The following COX10 variants were observed in gnomAD, a reference collection of about 807,000 sequenced individuals.
COX10 encodes the protein protoheme IX farnesyltransferase, mitochondrial.
In COX10, 27 loss-of-function variants were observed where a neutral mutation model predicts 37.3. The ratio of observed to expected loss-of-function variants is 0.72; its 90% CI spans 0.53 to 1.00. The LOEUF is 1.00. Among genes scored for constraint, COX10 ranks in the 50% least tolerant of loss-of-function variants. The pLI, the probability that COX10 is intolerant of heterozygous loss-of-function variation, is 0.00. For synonymous variants in COX10, 222 were observed against 229.1 expected, an observed-to-expected ratio of 0.97 and a Z score of 0.28; for missense variants, 475 against 563.2, an observed-to-expected ratio of 0.84 and a Z score of 1.59.
At chr17:14,095,861 A>G (rs1188437980) in intron 3 of COX10, among the ~76,000 whole-genome samples, 1 of 152,148 alleles carries the variant, frequency 6.6e-6, no homozygotes, top group African/African-American at 2.4e-5. Flanking sequence ...TTGTAAGTAC[A>G]TGGCCCTCAT....
chr17:14,166,001 A>G (rs1905272594), intron 5 of COX10, among the ~76,000 whole-genome samples: 1 of 152,238 alleles, frequency 6.6e-6, no homozygotes, highest in African/African-American at 2.4e-5. Context: ...TTTGAAGCTG[A>G]CAGGGATTGG....
At chr17:14,073,916 G>A (rs529801996) in intron 1 of COX10, among the ~76,000 whole-genome samples, 1 of 152,272 alleles carries the variant, frequency 6.6e-6, no homozygotes, top group East Asian at 1.9e-4. Flanking sequence ...ACCCTACTTA[G>A]TTAAAATATT....
chr17:14,145,310 C>A (rs965965584), intron 4 of COX10, among the ~76,000 whole-genome samples: 1 of 152,126 alleles, frequency 6.6e-6, no homozygotes, highest in Non-Finnish European at 1.5e-5. Flanking sequence ...TGGTTGTGTA[C>A]TTGTAATGAA....
intron 4 of COX10, 85 bp downstream of exon 4, chr17:14,102,327 A>G: frequency 6.8e-7 from 1 of 1,468,432 alleles, no homozygotes; most frequent in Non-Finnish European, 9.2e-7. Context: ...TACCTTCCAA[A>G]CTCATATATT....
At chr17:14,106,302 C>G (rs975744814) in intron 4 of COX10, among the ~76,000 whole-genome samples, 4 of 152,124 alleles carry the variant, frequency 2.6e-5, no homozygotes, top group African/African-American at 9.7e-5. Flanking sequence ...CAGGTGTCAG[C>G]CACTGCACCC....
At chr17:14,135,267 A>G (rs1302758488) in intron 4 of COX10, among the ~76,000 whole-genome samples, 1 of 151,764 alleles carries the variant, frequency 6.6e-6, no homozygotes, top group East Asian at 1.9e-4. Flanking sequence ...TGTTAAGTTG[A>G]AATCTTTGAA....
chr17:14,176,088 G>A (rs1198979353), intron 5 of COX10, among the ~76,000 whole-genome samples: 2 of 152,088 alleles, frequency 1.3e-5, no homozygotes, highest in Non-Finnish European at 2.9e-5. Flanking sequence ...GAGACTTGGG[G>A]CAGCTCCTGG....
At chr17:14,133,601 G>T (rs970933763) in intron 4 of COX10, among the ~76,000 whole-genome samples, 1 of 151,420 alleles carries the variant, frequency 6.6e-6, no homozygotes, top group African/African-American at 2.4e-5. Flanking sequence ...TAAACAGTTG[G>T]TTATCAAGCA....
chr17:14,100,488 C>A (rs1915752765), intron 3 of COX10, among the ~76,000 whole-genome samples: 2 of 152,044 alleles, frequency 1.3e-5, no homozygotes, highest in Non-Finnish European at 2.9e-5. Context: ...CAGGAAGGTT[C>A]CCCTTAACAA....
chr17:14,117,180 A>G (rs936300701), intron 4 of COX10, among the ~76,000 whole-genome samples: 3 of 152,166 alleles, frequency 2.0e-5, no homozygotes, highest in African/African-American at 7.2e-5. Flanking sequence ...TTTTTACGTT[A>G]AAAACATTAA....
intron 4 of COX10, among the ~76,000 whole-genome samples, chr17:14,117,692 G>A (rs1413230011): frequency 6.6e-6 from 1 of 152,154 alleles, no homozygotes; most frequent in African/African-American, 2.4e-5. Flanking sequence ...AGCATCTAGA[G>A]GTGAGTGTTT....
intron 3 of COX10, among the ~76,000 whole-genome samples, chr17:14,082,979 A>G (rs1238938052): frequency 6.6e-6 from 1 of 152,192 alleles, no homozygotes; most frequent in Non-Finnish European, 1.5e-5. Flanking sequence ...GTCTGACTGG[A>G]TGTGGAGAGA....
intron 3 of COX10, among the ~76,000 whole-genome samples, chr17:14,079,437 A>G (rs1208416510): frequency 6.6e-6 from 1 of 152,204 alleles, no homozygotes; most frequent in East Asian, 1.9e-4. Context: ...AAAAAGCTGC[A>G]CTGGGACTAT....
intron 4 of COX10, among the ~76,000 whole-genome samples, chr17:14,106,022 T>A (rs201406031): frequency 0.01 from 1 of 98 alleles, no homozygotes; most frequent in South Asian, 0.5. Flanking sequence ...TTTGTTTTTG[T>A]TTTTTTTTGA....
chr17:14,129,178 G>T (rs1311677993), intron 4 of COX10, among the ~76,000 whole-genome samples: 4 of 147,550 alleles, frequency 2.7e-5, no homozygotes, highest in African/African-American at 7.5e-5. Context: ...CACTGGTTTT[G>T]CATTAGTAAA....
chr17:14,201,596 A>T (rs1906543507), intron 6 of COX10, among the ~76,000 whole-genome samples: 2 of 152,230 alleles, frequency 1.3e-5, no homozygotes, highest in Non-Finnish European at 2.9e-5. Context: ...AAGACAAGGA[A>T]AATCTCACAT....
At chr17:14,152,588 G>A (rs1904936124) in intron 4 of COX10, among the ~76,000 whole-genome samples, 1 of 152,164 alleles carries the variant, frequency 6.6e-6, no homozygotes, top group Admixed American at 6.6e-5. Flanking sequence ...AATCTGTGAG[G>A]CTGTTGCCCC....
In COX10 at chr17:14,103,186, T is replaced by C. The variant is rs552296702; in HGVS notation, c.624+944T>C. Among the ~76,000 whole-genome samples the C allele has an allele frequency of 3.9e-5, 6 of 152,244 alleles. No individual in the cohort carries two copies. The South Asian group carries it at 1.2e-3, about 32-fold the overall frequency. On this transcript the variant is annotated intron_variant, in intron 4 of 6. Coordinates refer to ENST00000261643, the MANE Select transcript of COX10 (RefSeq NM_001303.4). Reference sequence around the variant, plus strand: ...TGCTACCACTTTACCAAAAAGATCATCCCCTTCTATAAAGCAGGACACCAT... The same window carrying C: ...TGCTACCACTTTACCAAAAAGATCACCCCCTTCTATAAAGCAGGACACCAT...
intron 3 of COX10, among the ~76,000 whole-genome samples, chr17:14,086,663 A>T (rs1393903267): frequency 6.6e-6 from 1 of 152,188 alleles, no homozygotes; most frequent in Non-Finnish European, 1.5e-5. Flanking sequence ...TCAGGAATAC[A>T]TCAAATAATG....
Sources: allele counts gnomAD v4.1 joint callset (sites outside exome capture counted in the v4.1 genomes callset), GRCh38; gene constraint gnomAD v4.1.1; transcripts MANE v1.5; gene names NCBI Gene and HGNC (gene_info 2026-07-23, HGNC 2026-07-21).